The following SEC22C variants were observed in gnomAD, a reference collection of about 807,000 sequenced individuals.
The protein encoded by SEC22C is SEC22 homolog C, vesicle trafficking protein.
SEC22C carries 29 observed loss-of-function variants against 34.7 expected under a neutral mutation model. The observed-to-expected ratio is 0.84, with a 90% confidence interval of 0.62 to 1.14. The LOEUF (loss-of-function observed/expected upper bound fraction) is 1.14. SEC22C is among the 50% of genes most tolerant of loss of function. The pLI, the probability that SEC22C is intolerant of heterozygous loss-of-function variation, is 0.00. For synonymous variants in SEC22C, 117 were observed against 132.8 expected, an observed-to-expected ratio of 0.88 and a Z score of 0.82; for missense variants, 337 against 369.0, an observed-to-expected ratio of 0.91 and a Z score of 0.71.
At chr3:42,597,780 A>T (rs1705071876) in intron 1 of SEC22C, among the ~76,000 whole-genome samples, 1 of 152,250 alleles carries the variant, frequency 6.6e-6, no homozygotes, top group Admixed American at 6.5e-5. Context: ...GAAGACAATT[A>T]TTCTTCCAAT....
chr3:42,573,716 G>C (rs1277519361), intron 1 of SEC22C, among the ~76,000 whole-genome samples: 1 of 152,020 alleles, frequency 6.6e-6, no homozygotes, highest in Non-Finnish European at 1.5e-5. Flanking sequence ...AAAATGCAAT[G>C]GATGGACTCA....
chr3:42,549,687 C>T lies in SEC22C; in HGVS notation c.*3561G>A, dbSNP rs754267350. 345 of 985,400 alleles carry T rather than the reference C, an allele frequency of 3.5e-4. No homozygotes were observed. Among genetic ancestry groups the T allele is most frequent in the Non-Finnish European group, 3.8e-4 (314 of 829,988 alleles). 61.0% of individuals were successfully genotyped at this position (985,400 alleles called of 1,614,324 possible). On this transcript the variant is annotated 3_prime_UTR_variant, in exon 7 of 7. Transcript: ENST00000264454. ...TTACAATTAAAGATGGTTTTCTCAT[C>T]CCTCCAGAGACTCCAGTTTCAGACT... is the stretch of plus-strand genomic sequence containing the variant.
intron 3 of SEC22C, among the ~76,000 whole-genome samples, chr3:42,562,500 C>A (rs996799906): frequency 6.6e-6 from 1 of 152,210 alleles, no homozygotes; most frequent in Admixed American, 6.5e-5. Context: ...AAAGAGGGTG[C>A]TAGCCCCATT....
Position 42,552,958 on chromosome 3 carries a change from TTC to T in SEC22C, c.*288_*289del. 8.5e-7 allele frequency: 1 copy of T among 1,180,038 alleles called. No individual in the cohort carries two copies. The highest frequency in any genetic ancestry group is 4.3e-5 in the Admixed American group (1 of 23,012). The allele number at this position is 1,180,038 out of a possible 1,614,324, so 73.1% of individuals were successfully genotyped here. On this transcript the variant is annotated 3_prime_UTR_variant, in exon 7 of 7. Transcript: ENST00000264454. ...AACTTAAAAGACCAAAATATTTCCT[TTC>T]TCTCTTCCAATAAAGCTCTTTCTGG...
chr3:42,562,883 T>C lies in SEC22C; in HGVS notation c.346+640A>G, dbSNP rs116537459. Among the ~76,000 whole-genome samples the C allele has an allele frequency of 7.8e-3, 1,182 of 152,148 alleles. 22 individuals carry two copies. Among genetic ancestry groups the C allele is most frequent in the African/African-American group, 0.027 (1,128 of 41,400 alleles). On this transcript the variant is annotated intron_variant, in intron 3 of 6. Transcript: ENST00000264454. ...AGCAAACTTCTGGGTCAAGGAACTGTTTTTTTCTTACTTCCAAACCACCGC... is the reference window on the plus strand; with the variant it reads ...AGCAAACTTCTGGGTCAAGGAACTGCTTTTTTCTTACTTCCAAACCACCGC...
At position 42,550,224 on chromosome 3, in the gene SEC22C, C is replaced by T; in HGVS notation, c.*3024G>A. 1 of 985,454 alleles carries T rather than the reference C, an allele frequency of 1.0e-6. No homozygotes were observed. The highest frequency in any genetic ancestry group is 1.2e-6 in the Non-Finnish European group (1 of 829,944). 61.0% of individuals were successfully genotyped at this position (985,454 alleles called of 1,614,324 possible). On this transcript the variant is annotated 3_prime_UTR_variant, in exon 7 of 7. Transcript: ENST00000264454. ...TTGCAGCATCTGATACCAGAAGGCACCTCTAAAGTTTTGTTTTCAACATTA... is the reference window on the plus strand; with the variant it reads ...TTGCAGCATCTGATACCAGAAGGCATCTCTAAAGTTTTGTTTTCAACATTA...
intron 6 of SEC22C, among the ~76,000 whole-genome samples, chr3:42,554,126 A>G (rs1702387028): frequency 6.6e-6 from 1 of 151,978 alleles, no homozygotes; most frequent in African/African-American, 2.4e-5. Context: ...ATCACTGAAC[A>G]TGGATCAATC....
chr3:42,580,158 T>G (rs1704233896), intron 1 of SEC22C, among the ~76,000 whole-genome samples: 1 of 152,206 alleles, frequency 6.6e-6, no homozygotes, highest in South Asian at 2.1e-4. Context: ...AGGCTACCCT[T>G]GATCCTGTTT....
At chr3:42,568,820 T>C (rs750155723) in intron 2 of SEC22C, 45 bp downstream of exon 2, 2 of 1,546,496 alleles carry the variant, frequency 1.3e-6, no homozygotes, top group South Asian at 2.2e-5. Context: ...TTAAAAGTAA[T>C]CCAAATTTTG....
intron 1 of SEC22C, among the ~76,000 whole-genome samples, chr3:42,595,293 TTTTC>T (rs1229011490): frequency 2.6e-5 from 4 of 152,226 alleles, no homozygotes; most frequent in African/African-American, 9.6e-5. Context: ...TAGTTCCTTT[TTTTC>T]TTTATTTGTT....
chr3:42,566,160 A>G (rs2125709620), intron 2 of SEC22C, among the ~76,000 whole-genome samples: 1 of 152,332 alleles, frequency 6.6e-6, no homozygotes, highest in South Asian at 2.1e-4. Flanking sequence ...GGGGCTGCAC[A>G]TGTGGGCAGG....
chr3:42,557,489 TCA>T (rs1281470524), intron 5 of SEC22C, 87 bp downstream of exon 5: 7 of 554,412 alleles, frequency 1.3e-5, no homozygotes, highest in African/African-American at 2.0e-5. Flanking sequence ...TTATAAAACC[TCA>T]GTTTTATAGA....
chr3:42,554,836 G>T (rs1416947496), intron 6 of SEC22C, among the ~76,000 whole-genome samples: 1 of 152,054 alleles, frequency 6.6e-6, no homozygotes. Flanking sequence ...TGCCTATGAG[G>T]GACTCAAAAT....
chr3:42,598,022 C>T (rs1374276391), intron 1 of SEC22C, among the ~76,000 whole-genome samples: 1 of 152,164 alleles, frequency 6.6e-6, no homozygotes, highest in African/African-American at 2.4e-5. Flanking sequence ...ATGGTAATTC[C>T]TGGAAAAATC....
intron 2 of SEC22C, among the ~76,000 whole-genome samples, chr3:42,565,490 G>A (rs1703180926): frequency 6.6e-6 from 1 of 152,160 alleles, no homozygotes; most frequent in South Asian, 2.1e-4. Context: ...AAGATTTACT[G>A]ATGTCCTAAC....
chr3:42,576,711 T>TA lies in SEC22C; in HGVS notation c.-28+5134dup, dbSNP rs558609343. ...AGATGTCAATTCTCCCCCAAACTGA[T>TA]ATACAGGTTTAATACAACTACTGAA... On this transcript the variant is annotated intron_variant, in intron 1 of 6. Coordinates refer to ENST00000264454, the MANE Select transcript of SEC22C (RefSeq NM_032970.4). Among the ~76,000 whole-genome samples, 57 of 151,458 alleles carry TA rather than the reference T, an allele frequency of 3.8e-4. 1 individual carries two copies. In the South Asian group the frequency reaches 0.011, roughly 29 times the overall value.
At chr3:42,601,022 C>G (rs763563077) in exon 1 of SEC22C, 1 of 1,580,640 alleles carries the variant, frequency 6.3e-7, no homozygotes, top group Non-Finnish European at 8.6e-7. Context: ...GGCGCAGGAC[C>G]GGCCGCAGTG....
chr3:42,591,551 C>A (rs1234424586), intron 1 of SEC22C: 2 of 1,613,806 alleles, frequency 1.2e-6, no homozygotes, highest in African/African-American at 1.3e-5. Flanking sequence ...ACCAGCTGAT[C>A]CGCTGTATTG....
Position 42,552,592 on chromosome 3 carries a change from T to C in SEC22C, c.*656A>G, listed in dbSNP as rs940049692. On this transcript the variant is annotated 3_prime_UTR_variant, in exon 7 of 7. Transcript: ENST00000264454. Reference sequence around the variant, plus strand: ...CAAACAGTCCCACCACTATAAAAGGTTACATATAAATTAAATAAACTCAGA... The same window carrying C: ...CAAACAGTCCCACCACTATAAAAGGCTACATATAAATTAAATAAACTCAGA... 4 of 981,740 alleles carry C rather than the reference T, an allele frequency of 4.1e-6. No homozygotes were observed. Among genetic ancestry groups the C allele is most frequent in the Non-Finnish European group, 3.6e-6 (3 of 826,762 alleles). The allele number at this position is 981,740 out of a possible 1,614,324, so 60.8% of individuals were successfully genotyped here. A position where few individuals can be genotyped will look rare whatever the true frequency, so the allele number is the denominator to read the frequency against.
Sources: allele counts gnomAD v4.1 joint callset (sites outside exome capture counted in the v4.1 genomes callset), GRCh38; gene constraint gnomAD v4.1.1; transcripts MANE v1.5; gene names NCBI Gene and HGNC (gene_info 2026-07-23, HGNC 2026-07-21).